The following RAF1 variants were observed in gnomAD, a reference collection of about 807,000 sequenced individuals.
RAF1 encodes Raf-1 proto-oncogene, serine/threonine kinase.
A neutral mutation model predicts 81.1 loss-of-function variants in RAF1; 27 were observed. That is an observed-to-expected ratio of 0.33 (90% confidence interval 0.25 to 0.46). The LOEUF (loss-of-function observed/expected upper bound fraction) is 0.46, where lower values mean the gene tolerates loss of function less well. Ranked by LOEUF, RAF1 falls within the 20% of genes least tolerant of loss-of-function variation. The pLI, the probability that RAF1 is intolerant of heterozygous loss-of-function variation, is 1.00. For missense variants in RAF1, 598 were observed against 826.0 expected, an observed-to-expected ratio of 0.72 and a Z score of 3.38; for synonymous variants, 298 against 294.0, an observed-to-expected ratio of 1.01 and a Z score of -0.14.
At chr3:12,607,652 AAAT>A (rs1331145133) in intron 5 of RAF1, among the ~76,000 whole-genome samples, 1 of 151,924 alleles carries the variant, frequency 6.6e-6, no homozygotes, top group African/African-American at 2.4e-5. Flanking sequence ...TGTCTTTAAA[AAAT>A]AATAATAAAA....
In RAF1 at chr3:12,588,449, T is replaced by C. The variant is rs538385029; in HGVS notation, c.1431-812A>G. 3.9e-5 allele frequency: 6 copies of C among 152,326 alleles called. No individual in the cohort carries two copies. In the East Asian group the frequency reaches 1.2e-3, roughly 29 times the overall value. 9.4% of individuals were successfully genotyped at this position (152,326 alleles called of 1,614,324 possible). A position where few individuals can be genotyped will look rare whatever the true frequency, so the allele number is the denominator to read the frequency against. On this transcript the variant is annotated intron_variant, in intron 13 of 17. Transcript: ENST00000442415. ...AGAAGGTACAGCCTTCTACACACCC[T>C]GGCTAAATGGTATAACGTGTTGCAC...
chr3:12,654,645 G>GT lies in RAF1; in HGVS notation c.-27+9167dup, dbSNP rs1488815333. 2.1e-5 allele frequency among the ~76,000 whole-genome samples: 3 copies of GT among 145,814 alleles called. No individual in the cohort carries two copies. The East Asian group carries it at 6.8e-4, about 33-fold the overall frequency. On this transcript the variant is annotated intron_variant, in intron 1 of 17. Coordinates refer to ENST00000442415, the MANE Select transcript of RAF1 (RefSeq NM_001354689.3). ...GTATGAGTATAAAGTAACTACAACTGTGTGTATCAACTTATAGAAAAACTT... is the reference window on the plus strand; with the variant it reads ...GTATGAGTATAAAGTAACTACAACTGTTGTGTATCAACTTATAGAAAAACTT...
At chr3:12,587,837 C>CTTTTTTTTTTTTTTTTT (rs374515740) in intron 13 of RAF1, 200 bp from the exon 13 acceptor site, 28 of 194,682 alleles carry the variant, frequency 1.4e-4, no homozygotes, top group Admixed American at 5.0e-4. Flanking sequence ...ATGCTTACAC[C>CTTTTTTTTTTTTTTTTT]TTTTTTTTTT....
chr3:12,654,671 T>C (rs527547215), intron 1 of RAF1, among the ~76,000 whole-genome samples: 44 of 55,794 alleles, frequency 7.9e-4, no homozygotes, highest in Non-Finnish European at 1.2e-3. Context: ...AGAAAAACTT[T>C]ATTCATTTTT....
At chr3:12,651,120 A>G (rs1198864129) in intron 1 of RAF1, among the ~76,000 whole-genome samples, 1 of 152,242 alleles carries the variant, frequency 6.6e-6, no homozygotes, top group East Asian at 1.9e-4. Context: ...CATTATAAAT[A>G]GCAAGCCTTT....
chr3:12,591,165 A>G lies in RAF1; in HGVS notation c.1254-191T>C, dbSNP rs527296762. Reference sequence around the variant, plus strand: ...CATTCTGAGCAAAGAGAAGCCCACCATTAGTTCACTGGGCCATCAGTTCAG... The same window carrying G: ...CATTCTGAGCAAAGAGAAGCCCACCGTTAGTTCACTGGGCCATCAGTTCAG... On this transcript the variant is annotated intron_variant, in intron 12 of 17. Coordinates refer to ENST00000442415, the MANE Select transcript of RAF1 (RefSeq NM_001354689.3). 2.2e-4 allele frequency among the ~76,000 whole-genome samples: 34 copies of G among 152,230 alleles called. No homozygotes were observed. In the South Asian group the frequency reaches 6.6e-3, roughly 30 times the overall value.
chr3:12,642,474 A>G (rs1575651484), intron 1 of RAF1, among the ~76,000 whole-genome samples: 1 of 149,214 alleles, frequency 6.7e-6, no homozygotes, highest in Admixed American at 6.7e-5. Flanking sequence ...ATCGCGCCAC[A>G]GCACTCCAGC....
In RAF1 at chr3:12,585,796, A is replaced by G. The variant is rs2058315536; in HGVS notation, c.1481T>C (p.Ile494Thr). The G allele has an allele frequency of 1.9e-6, 3 of 1,602,550 alleles. No homozygotes were observed. Among genetic ancestry groups the G allele is most frequent in the South Asian group, 1.1e-5 (1 of 90,840 alleles). ...CACTGTTAAGCCTTCATGGAGAAAT[A>G]TATCTCAATGCTTGTTAAGGACTCT... is the stretch of plus-strand genomic sequence containing the variant. The change falls in exon 15 of 18, where the codon ATA becomes ACA. Residue 494 changes from isoleucine to threonine, a missense_variant. Ile to Thr is a moderately conservative substitution (Grantham distance 89, BLOSUM62 -1). Around this residue, in one of 5 missense-constraint regions of RAF1, gnomAD observed 85 missense variants for 185.6 expected, o/e 0.46. Transcript: ENST00000442415.
chr3:12,590,711 G>C (rs2058486459), intron 13 of RAF1, 87 bp downstream of exon 12: 1 of 1,408,586 alleles, frequency 7.1e-7, no homozygotes, highest in African/African-American at 1.4e-5. Flanking sequence ...TCGCTTAATG[G>C]ACTAGAAGGC....
intron 14 of RAF1, 25 bp from the exon 14 acceptor site, chr3:12,585,824 T>A (rs139619601): frequency 6.5e-7 from 1 of 1,535,678 alleles, no homozygotes; most frequent in Non-Finnish European, 9.0e-7. Flanking sequence ...AGGACTCTGG[T>A]TTCAAAAGAA....
rs528471194 is a variant in RAF1, at chr3:12,634,555, C to T, written c.-26-15808G>A. Among the ~76,000 whole-genome samples, 55 of 152,264 alleles carry T rather than the reference C, an allele frequency of 3.6e-4. No homozygotes were observed. In the South Asian group the frequency reaches 0.011, roughly 31 times the overall value. On this transcript the variant is annotated intron_variant, in intron 1 of 17. Transcript: ENST00000442415. ...ATAGGAAAGAAGCGAAGGAAATCTC[C>T]AGAAGGCCAATGGAGGGAAATCCCT...
intron 6 of RAF1, among the ~76,000 whole-genome samples, chr3:12,605,248 T>TTGTGTGTG (rs745742208): frequency 1.8e-5 from 2 of 111,654 alleles, no homozygotes; most frequent in African/African-American, 3.2e-5. Context: ...TGATTACACA[T>TTGTGTGTG]TATGTGTGTG....
intron 5 of RAF1, 108 bp downstream of exon 5, chr3:12,608,658 A>C: frequency 1.6e-6 from 2 of 1,256,272 alleles, no homozygotes; most frequent in South Asian, 1.2e-5. Context: ...ACAATTCATT[A>C]AATGAGTCTA....
chr3:12,661,365 C>A (rs982775714), intron 1 of RAF1, among the ~76,000 whole-genome samples: 2 of 152,080 alleles, frequency 1.3e-5, no homozygotes, highest in East Asian at 3.9e-4. Flanking sequence ...TGTTTGTTTT[C>A]TATAGTCGTC....
chr3:12,615,887 A>G (rs531155570), intron 2 of RAF1, among the ~76,000 whole-genome samples: 16 of 152,074 alleles, frequency 1.1e-4, no homozygotes, highest in Admixed American at 7.9e-4. Context: ...TGTCTCTACT[A>G]AAAATACAAA....
chr3:12,648,556 A>G (rs1373670818), intron 1 of RAF1, among the ~76,000 whole-genome samples: 1 of 152,176 alleles, frequency 6.6e-6, no homozygotes, highest in Non-Finnish European at 1.5e-5. Flanking sequence ...TATTCCCCCA[A>G]GTTTACATCT....
intron 1 of RAF1, among the ~76,000 whole-genome samples, chr3:12,632,948 C>G (rs1009075076): frequency 1.3e-5 from 2 of 152,178 alleles, no homozygotes; most frequent in African/African-American, 4.8e-5. Context: ...GAATACTGTT[C>G]TGCAAACTAC....
intron 1 of RAF1, among the ~76,000 whole-genome samples, chr3:12,652,805 C>A (rs2060572684): frequency 6.6e-6 from 1 of 151,232 alleles, no homozygotes; most frequent in African/African-American, 2.4e-5. Flanking sequence ...AAAAATTAGC[C>A]AGGTGTTATA....
At chr3:12,622,021 T>G (rs1245806283) in intron 1 of RAF1, among the ~76,000 whole-genome samples, 1 of 152,216 alleles carries the variant, frequency 6.6e-6, no homozygotes, top group Admixed American at 6.5e-5. Flanking sequence ...TATCGGCATA[T>G]TTTATTTCTG....
Sources: allele counts gnomAD v4.1 joint callset (sites outside exome capture counted in the v4.1 genomes callset), GRCh38; gene constraint gnomAD v4.1.1; regional missense constraint gnomAD v4.1.1; transcripts MANE v1.5; gene names NCBI Gene and HGNC (gene_info 2026-07-23, HGNC 2026-07-21).